The following ASAP3 variants were observed in gnomAD, a reference collection of about 807,000 sequenced individuals.
The protein encoded by ASAP3 is ArfGAP with SH3 domain, ankyrin repeat and PH domain 3.
ASAP3 carries 85 observed loss-of-function variants against 118.2 expected under a neutral mutation model. The ratio of observed to expected loss-of-function variants is 0.72; its 90% CI spans 0.60 to 0.86. ASAP3 has a LOEUF of 0.86. Among genes scored for constraint, ASAP3 ranks in the 40% least tolerant of loss-of-function variants. The probability of loss-of-function intolerance (pLI) is 0.00; values close to 1 mark genes in which losing one functional copy is unlikely to be tolerated. For synonymous variants in ASAP3, 432 were observed against 477.4 expected (o/e 0.90, Z 1.24); for missense variants, 1,026 against 1,175.0 (o/e 0.87, Z 1.85).
intron 5 of ASAP3, among the ~76,000 whole-genome samples, chr1:23,450,495 A>G (rs779539278): frequency 7.2e-5 from 11 of 151,968 alleles, no homozygotes; most frequent in East Asian, 1.9e-4. Flanking sequence ...AAATGTTAAA[A>G]TGTTAATATT....
Position 23,474,282 on chromosome 1 carries a change from ACCT to A in ASAP3, c.129+9720_129+9722del, listed in dbSNP as rs1176446925. 7.3e-5 allele frequency among the ~76,000 whole-genome samples: 11 copies of A among 151,372 alleles called. 1 individual carries two copies. The highest frequency in any genetic ancestry group is 6.8e-3 in the Middle Eastern group (2 of 294). On this transcript the variant is annotated intron_variant, in intron 1 of 24. Transcript: ENST00000336689. ...AAATCTGCTCTTAAGGTTCCCAATG[ACCT>A]CCGTGTTGCCAAAGCCAGAGGCTGT...
At chr1:23,439,350 T>C in intron 10 of ASAP3, 120 bp from the exon 11 acceptor site, 1 of 881,648 alleles carries the variant, frequency 1.1e-6, no homozygotes, top group South Asian at 1.5e-5. Context: ...TACCTCTTTC[T>C]TCTCCTAACC....
intron 5 of ASAP3, among the ~76,000 whole-genome samples, chr1:23,448,929 G>C (rs1434997265): frequency 6.6e-6 from 1 of 152,178 alleles, no homozygotes; most frequent in Admixed American, 6.5e-5. Flanking sequence ...AGGACTGGCT[G>C]GTGCCTAAGC....
intron 3 of ASAP3, among the ~76,000 whole-genome samples, 164 bp from the exon 4 acceptor site, chr1:23,452,935 C>T (rs1641268384): frequency 1.3e-5 from 2 of 151,830 alleles, no homozygotes; most frequent in Admixed American, 6.6e-5. Context: ...TAAGGGGGAC[C>T]GTCATGGCAG....
At chr1:23,475,910 A>G (rs1642111637) in intron 1 of ASAP3, among the ~76,000 whole-genome samples, 1 of 152,120 alleles carries the variant, frequency 6.6e-6, no homozygotes, top group African/African-American at 2.4e-5. Flanking sequence ...CTATGACTGC[A>G]CCACTGCATT....
chr1:23,431,163 C>T (rs1243832944), intron 23 of ASAP3, 38 bp from the exon 24 acceptor site: 1 of 1,547,878 alleles, frequency 6.5e-7, no homozygotes, highest in South Asian at 1.2e-5. Context: ...CCCTCATGTC[C>T]AGAGAGCCCC....
At chr1:23,466,367 T>C (rs187756443) in intron 1 of ASAP3, among the ~76,000 whole-genome samples, 2 of 152,342 alleles carry the variant, frequency 1.3e-5, no homozygotes, top group African/African-American at 4.8e-5. Flanking sequence ...TGGCAGGCAC[T>C]GGGCAAAGGT....
chr1:23,442,397 G>A, intron 6 of ASAP3, 104 bp downstream of exon 6: 3 of 1,585,940 alleles, frequency 1.9e-6, no homozygotes, highest in Non-Finnish European at 2.6e-6. Flanking sequence ...ATCCCACAGG[G>A]CCATGTGGCC....
rs768746081 is a variant in ASAP3 at position 23,436,971 on chromosome 1, G to A, written c.1416C>T (p.Gly472=). 1 of 1,612,482 alleles carries A rather than the reference G, an allele frequency of 6.2e-7. No individual in the cohort carries two copies. The highest frequency in any genetic ancestry group is 1.1e-5 in the South Asian group (1 of 90,994). ...IQCSGVHREL[G]VRFSRMQSLT... is the part of the protein sequence containing the mutation. The stretch of plus-strand genomic sequence containing the variant: ...GTGACTGCATGCGCGAAAAGCGCAC[G>A]CCCAGTTCGCGGTGGACGCCCGAGC... Residue 472 remains glycine, a synonymous_variant, in exon 15 of 25, where the codon GGC becomes GGT. Coordinates refer to ENST00000336689, the MANE Select transcript of ASAP3 (RefSeq NM_017707.4). This position sits in a 1 kb window ranked among gnomAD's most constrained non-coding sequence, Gnocchi z 4.2.
intron 5 of ASAP3, among the ~76,000 whole-genome samples, chr1:23,446,658 G>A (rs1222875021): frequency 6.6e-6 from 1 of 152,014 alleles, no homozygotes; most frequent in Non-Finnish European, 1.5e-5. Context: ...GGCTGGTCTC[G>A]AACTCCTGAC....
intron 5 of ASAP3, among the ~76,000 whole-genome samples, chr1:23,450,065 G>C (rs2148628544): frequency 6.6e-6 from 1 of 152,172 alleles, no homozygotes; most frequent in East Asian, 1.9e-4. Context: ...GGGCCCCACA[G>C]GGATGGCCAC....
chr1:23,454,492 A>G (rs897262101), intron 3 of ASAP3, among the ~76,000 whole-genome samples: 6 of 152,004 alleles, frequency 3.9e-5, no homozygotes, highest in African/African-American at 1.4e-4. Flanking sequence ...GGCAATTTTC[A>G]TACTTTTGTA....
At chr1:23,455,134 C>T (rs1211436969) in intron 3 of ASAP3, among the ~76,000 whole-genome samples, 2 of 152,164 alleles carry the variant, frequency 1.3e-5, no homozygotes, top group Non-Finnish European at 2.9e-5. Context: ...GGGTTCAAAC[C>T]GAACCGTGTG....
chr1:23,468,147 C>G (rs1159362214), intron 1 of ASAP3, among the ~76,000 whole-genome samples: 1 of 152,076 alleles, frequency 6.6e-6, no homozygotes, highest in Non-Finnish European at 1.5e-5. Context: ...TGAGCTCACA[C>G]AGCCAAAATG....
Position 23,438,624 on chromosome 1 carries a change from G to A in ASAP3, c.1102+123C>T, listed in dbSNP as rs1640757550. On this transcript the variant is annotated intron_variant, in intron 12 of 24. Coordinates refer to ENST00000336689, the MANE Select transcript of ASAP3 (RefSeq NM_017707.4). This position sits in a 1 kb window ranked among gnomAD's most constrained non-coding sequence, Gnocchi z 4.9. ...AAGGATTCTTATGTCTGCAGTAGCA[G>A]CAATTCGACACCATGTGTGGAACTG... The A allele has an allele frequency of 3.9e-6, 3 of 763,514 alleles. No homozygotes were observed. The highest frequency in any genetic ancestry group is 3.5e-5 in the South Asian group (2 of 57,698). 47.3% of individuals were successfully genotyped at this position (763,514 alleles called of 1,614,324 possible). A position where few individuals can be genotyped will look rare whatever the true frequency, so the allele number is the denominator to read the frequency against.
intron 8 of ASAP3, 23 bp from the exon 9 acceptor site, chr1:23,441,496 C>T (rs1331444458): frequency 1.9e-6 from 3 of 1,613,176 alleles, no homozygotes; most frequent in East Asian, 2.2e-5. Context: ...GGATGGGATC[C>T]CATCACCAGC....
At chr1:23,472,068 C>A (rs767914344) in intron 1 of ASAP3, among the ~76,000 whole-genome samples, 1 of 152,034 alleles carries the variant, frequency 6.6e-6, no homozygotes, top group South Asian at 2.1e-4. Context: ...GGAAAGTTGT[C>A]GGGGGCCGGG....
intron 19 of ASAP3, among the ~76,000 whole-genome samples, chr1:23,433,912 T>A (rs1356230863): frequency 6.6e-6 from 1 of 152,214 alleles, no homozygotes; most frequent in Non-Finnish European, 1.5e-5. Flanking sequence ...GTTGTGAGGA[T>A]TCAATTAATT....
intron 7 of ASAP3, 116 bp from the exon 8 acceptor site, chr1:23,441,846 C>A: frequency 9.0e-7 from 1 of 1,108,014 alleles, no homozygotes; most frequent in South Asian, 1.4e-5. Flanking sequence ...GAATTGTAGT[C>A]TGACGGTCAA....
Sources: gnomAD v4.1 joint callset for allele counts (sites outside exome capture counted in the v4.1 genomes callset) on GRCh38, gnomAD v4.1.1 for gene constraint, Gnocchi (gnomAD v3.1) non-coding constraint, MANE v1.5 for transcripts, NCBI Gene and HGNC (gene_info 2026-07-23, HGNC 2026-07-21) for gene names.